ATAD2B: variants seen among roughly 807,000 people sequenced by gnomAD.
The protein encoded by ATAD2B is ATPase family AAA domain-containing protein 2B.
A neutral mutation model predicts 167.6 loss-of-function variants in ATAD2B; 40 were observed. The observed-to-expected ratio is 0.24, with a 90% CI of 0.19 to 0.31. The LOEUF (loss-of-function observed/expected upper bound fraction) is 0.31. Among genes scored for constraint, ATAD2B ranks in the 10% least tolerant of loss-of-function variants. The pLI is 1.00. For synonymous variants in ATAD2B, 579 were observed against 596.5 expected (o/e 0.97, Z 0.43); for missense variants, 1,242 against 1,757.2 (o/e 0.71, Z 5.24).
the ATAD2B span, chr2:23,695,801 C>G: frequency 6.5e-7 from 1 of 1,549,786 alleles, no homozygotes; most frequent in East Asian, 2.4e-5. The surrounding 1 kb of genome is among the most constrained non-coding windows in gnomAD (Gnocchi z 7.6). Flanking sequence ...ACGCCCCGAA[C>G]CCGGCCGCGC....
intron 22 of ATAD2B, among the ~76,000 whole-genome samples, chr2:23,770,938 C>T (rs1424915213): frequency 6.6e-6 from 1 of 152,180 alleles, no homozygotes; most frequent in Admixed American, 6.5e-5. Flanking sequence ...ATTACATTTT[C>T]ATAATGTTGA....
chr2:23,691,592 G>A, the ATAD2B span: 2 of 1,192,078 alleles, frequency 1.7e-6, no homozygotes, highest in African/African-American at 1.5e-5. Flanking sequence ...TGACCAAGGT[G>A]TGCAGGGAGA....
Position 23,763,369 on chromosome 2 carries a change from T to C in ATAD2B, c.3257-1023A>G, listed in dbSNP as rs968892571. On this transcript the variant is annotated intron_variant, in intron 23 of 27. Transcript: ENST00000238789. Reference sequence around the variant, plus strand: ...AACAGCTTTACTGAGATACAATTTATATAACATAAAAATCACCTGTTTTAA... The same window carrying C: ...AACAGCTTTACTGAGATACAATTTACATAACATAAAAATCACCTGTTTTAA... Among the ~76,000 whole-genome samples, 3 of 152,366 alleles carry C rather than the reference T, an allele frequency of 2.0e-5. No individual in the cohort carries two copies. In the East Asian group the frequency reaches 5.8e-4, roughly 29 times the overall value.
At chr2:23,859,784 C>A (rs1413331566) in intron 12 of ATAD2B, among the ~76,000 whole-genome samples, 1 of 151,588 alleles carries the variant, frequency 6.6e-6, no homozygotes, top group East Asian at 1.9e-4. Context: ...GCCGTCTCTA[C>A]TAAAAACACA....
At chr2:23,774,145 C>T (rs1367334205) in intron 22 of ATAD2B, among the ~76,000 whole-genome samples, 3 of 152,060 alleles carry the variant, frequency 2.0e-5, no homozygotes, top group Admixed American at 6.6e-5. Context: ...GATTTTTCAT[C>T]CCAAATAATT....
At chr2:23,908,452 AG>A in intron 1 of ATAD2B, among the ~76,000 whole-genome samples, 2 of 152,362 alleles carry the variant, frequency 1.3e-5, no homozygotes, top group South Asian at 4.1e-4. Context: ...ATCTCACACC[AG>A]TTAGAATGGC....
intron 14 of ATAD2B, among the ~76,000 whole-genome samples, chr2:23,829,570 G>A (rs1258638017): frequency 6.6e-6 from 1 of 152,114 alleles, no homozygotes; most frequent in African/African-American, 2.4e-5. Context: ...GGACAACATA[G>A]TGACACCCTG....
In ATAD2B at chr2:23,888,515, C is replaced by CT. The variant is rs1320329412; in HGVS notation, c.369-117dup. The CT allele has an allele frequency of 1.6e-5, 10 of 633,466 alleles. No individual in the cohort carries two copies. In the Admixed American group the frequency reaches 2.3e-4, roughly 15 times the overall value. 39.2% of individuals were successfully genotyped at this position (633,466 alleles called of 1,614,324 possible). A position where few individuals can be genotyped will look rare whatever the true frequency, so the allele number is the denominator to read the frequency against. On this transcript the variant is annotated intron_variant, in intron 2 of 27. Transcript: ENST00000238789. ...AAAACTTTTTTAAAAGTAAAGATAA[C>CT]TTTTTTTACTGTAAGATTGGTAATA...
At chr2:23,859,062 T>C (rs910533867) in intron 12 of ATAD2B, among the ~76,000 whole-genome samples, 2 of 152,234 alleles carry the variant, frequency 1.3e-5, no homozygotes, top group African/African-American at 4.8e-5. Context: ...TGAAGTATCA[T>C]TTTACCCTCT....
chr2:23,695,627 C>T, the ATAD2B span: 111 of 1,549,198 alleles, frequency 7.2e-5, 1 homozygote, highest in Middle Eastern at 1.3e-3. The surrounding 1 kb of genome is among the most constrained non-coding windows in gnomAD (Gnocchi z 7.6). Flanking sequence ...CTGCAGTACG[C>T]GGCTGAGCTC....
In ATAD2B at chr2:23,895,449, T is replaced by G. The variant is rs189804616; in HGVS notation, c.368+370A>C. Among the ~76,000 whole-genome samples, 8 of 152,260 alleles carry G rather than the reference T, an allele frequency of 5.3e-5. No individual in the cohort carries two copies. The East Asian group carries it at 1.5e-3, about 29-fold the overall frequency. On this transcript the variant is annotated intron_variant, in intron 2 of 27. Coordinates refer to ENST00000238789, the MANE Select transcript of ATAD2B (RefSeq NM_017552.4). Reference sequence around the variant, plus strand: ...TTTAAAATTAATTTAAATGTCATTATATCTTAGTATATCAATTCAAGTGAA... The same window carrying G: ...TTTAAAATTAATTTAAATGTCATTAGATCTTAGTATATCAATTCAAGTGAA...
At chr2:23,765,873 G>A (rs1248713312) in intron 22 of ATAD2B, among the ~76,000 whole-genome samples, 1 of 151,998 alleles carries the variant, frequency 6.6e-6, no homozygotes, top group African/African-American at 2.4e-5. Flanking sequence ...GAAGCAGTCT[G>A]GAGAATTACA....
chr2:23,779,443 G>A (rs1679669478), intron 22 of ATAD2B, among the ~76,000 whole-genome samples: 1 of 151,934 alleles, frequency 6.6e-6, no homozygotes, highest in Non-Finnish European at 1.5e-5. Flanking sequence ...CCAAAGTGCT[G>A]GGATTACAGG....
At chr2:23,753,673 A>C (rs192670168) in intron 27 of ATAD2B, among the ~76,000 whole-genome samples, 8 of 152,310 alleles carry the variant, frequency 5.3e-5, no homozygotes, top group Non-Finnish European at 8.8e-5. Flanking sequence ...TCGCTCCTTC[A>C]TATGGCTAAT....
chr2:23,918,238 A>AAC (rs1378221814), intron 1 of ATAD2B, among the ~76,000 whole-genome samples: 2 of 149,734 alleles, frequency 1.3e-5, no homozygotes, highest in African/African-American at 4.9e-5. Context: ...CAGGTGTGGT[A>AAC]ACACATGTCT....
Position 23,754,767 on chromosome 2 carries a change from A to G in ATAD2B, c.4086T>C (p.Ser1362=). The G allele has an allele frequency of 1.2e-6, 2 of 1,612,022 alleles. No homozygotes were observed. The highest frequency in any genetic ancestry group is 1.7e-6 in the Non-Finnish European group (2 of 1,178,838). ...KDAELDKEGA[S]KVKKYRKLIL... is the part of the protein sequence containing the mutation. Reference sequence around the variant, plus strand: ...TTAATTTACGGTATTTCTTTACTTTAGAAGCACCTATAATTGAGACAAAAA... The same window carrying G: ...TTAATTTACGGTATTTCTTTACTTTGGAAGCACCTATAATTGAGACAAAAA... The change falls in exon 26 of 28, where the codon TCT becomes TCC. Residue 1362 remains serine (S), a synonymous_variant. Transcript: ENST00000238789.
At chr2:23,802,399 T>C (rs1291015462) in intron 18 of ATAD2B, among the ~76,000 whole-genome samples, 1 of 152,038 alleles carries the variant, frequency 6.6e-6, no homozygotes, top group Non-Finnish European at 1.5e-5. Context: ...ACTGTCTGGA[T>C]TCTAAAGATT....
chr2:23,704,949 G>A, the ATAD2B span, among the ~76,000 whole-genome samples: 15 of 152,376 alleles, frequency 9.8e-5, no homozygotes, highest in Admixed American at 8.5e-4. Context: ...CTACTAGCAT[G>A]TCAGTGACCT....
chr2:23,876,151 G>A (rs542110537), intron 7 of ATAD2B, among the ~76,000 whole-genome samples: 16 of 151,752 alleles, frequency 1.1e-4, no homozygotes, highest in African/African-American at 3.9e-4. Flanking sequence ...GTGCCACCAC[G>A]CCCAGCTAAT....
Sources: allele counts gnomAD v4.1 joint callset (sites outside exome capture counted in the v4.1 genomes callset), GRCh38; gene constraint gnomAD v4.1.1; non-coding constraint Gnocchi (gnomAD v3.1); transcripts MANE v1.5; gene names NCBI Gene and HGNC (gene_info 2026-07-23, HGNC 2026-07-21).